Variants in AMZ2 observed in about 807,000 individuals in gnomAD.
AMZ2 encodes archaelysin family metallopeptidase 2, also known as archaemetzincin-2.
AMZ2 carries 26 observed loss-of-function variants against 36.7 expected under a neutral mutation model. The ratio of observed to expected loss-of-function variants is 0.71; its 90% CI spans 0.52 to 0.98. The LOEUF (loss-of-function observed/expected upper bound fraction) is 0.98. AMZ2 is among the 50% of genes least tolerant of loss of function. AMZ2 has a pLI of 0.00. For missense variants in AMZ2, 394 were observed against 430.5 expected, an observed-to-expected ratio of 0.92 and a Z score of 0.75; for synonymous variants, 144 against 149.1, an observed-to-expected ratio of 0.97 and a Z score of 0.25.
At chr17:68,249,549 T>G (rs1472066455) in intron 1 of AMZ2, 1 of 152,382 alleles carries the variant, frequency 6.6e-6, no homozygotes. Flanking sequence ...TCCTTCTGCC[T>G]TGGCCTCCCA....
At chr17:68,232,511 AAG>A (rs1253900965) in intron 1 of AMZ2, among the ~76,000 whole-genome samples, 1 of 151,602 alleles carries the variant, frequency 6.6e-6, no homozygotes, top group Non-Finnish European at 1.5e-5. Flanking sequence ...AAAAAAAAAA[AAG>A]AGATTGATCA....
intron 1 of AMZ2, chr17:68,249,211 A>G: frequency 1.8e-6 from 1 of 555,218 alleles, no homozygotes; most frequent in Non-Finnish European, 2.5e-6. Context: ...AATTGCAGAA[A>G]TGATAGGGCT....
rs1432951966 is a variant in AMZ2, at chr17:68,248,057, C to G, written c.-649C>G. 4.1e-6 allele frequency: 4 copies of G among 986,188 alleles called. No homozygotes were observed. The highest frequency in any genetic ancestry group is 4.8e-6 in the Non-Finnish European group (4 of 830,630). 61.1% of individuals were successfully genotyped at this position (986,188 alleles called of 1,614,324 possible). A position where few individuals can be genotyped will look rare whatever the true frequency, so the allele number is the denominator to read the frequency against. On this transcript the variant is annotated 5_prime_UTR_variant, in exon 1 of 7. Coordinates refer to ENST00000359904, the MANE Select transcript of AMZ2 (RefSeq NM_016627.5). ...TGGCGTGGCGCAGTGCGAAGGGACG[C>G]GGTGCGCATGCGCGTGAGGGCTGCC...
intron 1 of AMZ2, among the ~76,000 whole-genome samples, chr17:68,236,315 A>G (rs782666023): frequency 2.6e-5 from 4 of 152,078 alleles, no homozygotes; most frequent in Non-Finnish European, 5.9e-5. Flanking sequence ...AAATTTATAT[A>G]TAAAACTATA....
chr17:68,228,198 C>T (rs149413411), intron 1 of AMZ2, among the ~76,000 whole-genome samples: 193 of 152,222 alleles, frequency 1.3e-3, no homozygotes, highest in African/African-American at 4.3e-3. Flanking sequence ...CTCCACCATC[C>T]TCCTCAGAAC....
chr17:68,237,732 G>A (rs185319583), intron 1 of AMZ2, among the ~76,000 whole-genome samples: 22 of 152,184 alleles, frequency 1.4e-4, no homozygotes, highest in African/African-American at 5.3e-4. Flanking sequence ...GGGTCCCTAA[G>A]GGCAAGAAGG....
chr17:68,224,542 C>CTT (rs34837469), intron 1 of AMZ2, among the ~76,000 whole-genome samples: 16,946 of 137,024 alleles, frequency 0.12, 1,277 homozygotes, highest in East Asian at 0.28. Context: ...TTGGGGGTAG[C>CTT]TTTTTTTTTT....
Position 68,257,075 on chromosome 17 carries a change from A to G in AMZ2, c.*106A>G, listed in dbSNP as rs1367587895. The G allele has an allele frequency of 5.7e-6, 7 of 1,235,298 alleles. No homozygotes were observed. The East Asian group carries it at 1.2e-4, about 22-fold the overall frequency. 76.5% of individuals were successfully genotyped at this position (1,235,298 alleles called of 1,614,324 possible). A position where few individuals can be genotyped will look rare whatever the true frequency, so the allele number is the denominator to read the frequency against. ...AAACTACTGATCTTGTGCTGTGTCA[A>G]AGTAACAGACTAGAACCTTCTTTCA... is the stretch of plus-strand genomic sequence containing the variant. On this transcript the variant is annotated 3_prime_UTR_variant, in exon 7 of 7. Coordinates refer to ENST00000359904, the MANE Select transcript of AMZ2 (RefSeq NM_016627.5).
intron 1 of AMZ2, among the ~76,000 whole-genome samples, chr17:68,226,820 G>C (rs1555730021): frequency 2.0e-5 from 3 of 151,590 alleles, no homozygotes. Flanking sequence ...CTGTGTGCTG[G>C]GTGGGGAAAT....
intron 1 of AMZ2, among the ~76,000 whole-genome samples, chr17:68,242,428 T>C (rs12601802): frequency 0.13 from 19,054 of 152,166 alleles, 1,539 homozygotes; most frequent in East Asian, 0.3. Flanking sequence ...TCATAGATTA[T>C]TATTTATCAG....
chr17:68,248,098 C>G lies in AMZ2; in HGVS notation c.-608C>G, dbSNP rs1373970032. 4.1e-5 allele frequency: 40 copies of G among 986,306 alleles called. No homozygotes were observed. Among genetic ancestry groups the G allele is most frequent in the Non-Finnish European group, 4.8e-5 (40 of 830,560 alleles). The allele number at this position is 986,306 out of a possible 1,614,324, so 61.1% of individuals were successfully genotyped here. ...GAGGGCTGCCGCGGGTGGGTGGTAT[C>G]GAGGCCTGTCGGGTCAGGGCGGTTC... On this transcript the variant is annotated 5_prime_UTR_variant, in exon 1 of 7. It adds an upstream start codon to the 5' untranslated region. Transcript: ENST00000359904.
upstream of AMZ2, chr17:68,248,032 T>TGGCGTGGCGCAGTGCGAAGG: frequency 1.0e-6 from 1 of 986,500 alleles, no homozygotes; most frequent in South Asian, 4.7e-5. Flanking sequence ...CCAGTGGGCG[T>TGGCGTGGCGCAGTGCGAAGG]GGCGTGGCGC....
chr17:68,247,940 G>A, upstream of AMZ2: 1 of 984,676 alleles, frequency 1.0e-6, no homozygotes. Context: ...CAGGGGCGTG[G>A]CATGGGTGGG....
At chr17:68,252,965 A>G (rs1319910896) in intron 4 of AMZ2, among the ~76,000 whole-genome samples, 3 of 152,242 alleles carry the variant, frequency 2.0e-5, no homozygotes, top group Admixed American at 1.3e-4. Flanking sequence ...TAAATATTAC[A>G]TGACATAAAA....
At chr17:68,209,324 G>T (rs1555725155) in intron 1 of AMZ2, among the ~76,000 whole-genome samples, 1 of 151,794 alleles carries the variant, frequency 6.6e-6, no homozygotes. Flanking sequence ...CTCCCCAGCA[G>T]CTGGGATTAC....
intron 1 of AMZ2, chr17:68,207,313 A>ACACCCCC (rs1555724633): frequency 2.7e-5 from 3 of 110,654 alleles, no homozygotes; most frequent in African/African-American, 3.4e-5. Context: ...TTTGTTAAAT[A>ACACCCCC]CCCCCCCCCC....
At chr17:68,209,434 TC>T (rs1337098729) in intron 1 of AMZ2, among the ~76,000 whole-genome samples, 2 of 151,554 alleles carry the variant, frequency 1.3e-5, no homozygotes, top group Non-Finnish European at 3.0e-5. Context: ...CCTCAAGTGA[TC>T]CGCCTGCCTC....
In AMZ2 at chr17:68,249,065, G is replaced by C. The variant is rs1176471896; in HGVS notation, c.-1+360G>C. 21 of 1,186,946 alleles carry C rather than the reference G, an allele frequency of 1.8e-5. No homozygotes were observed. The East Asian group carries it at 6.6e-4, about 37-fold the overall frequency. 73.5% of individuals were successfully genotyped at this position (1,186,946 alleles called of 1,614,324 possible). A position where few individuals can be genotyped will look rare whatever the true frequency, so the allele number is the denominator to read the frequency against. Reference sequence around the variant, plus strand: ...GAGGAAGGATGAAAGCTCTATATAGGAACACGATGTGAATGGAAGAAACCT... The same window carrying C: ...GAGGAAGGATGAAAGCTCTATATAGCAACACGATGTGAATGGAAGAAACCT... On this transcript the variant is annotated intron_variant, in intron 1 of 6. Transcript: ENST00000359904.
intron 1 of AMZ2, among the ~76,000 whole-genome samples, chr17:68,229,095 C>T (rs1447566392): frequency 4.6e-5 from 7 of 152,184 alleles, no homozygotes; most frequent in Admixed American, 6.5e-5. Flanking sequence ...TTTTTGGCCT[C>T]TATCCCTCTC....
Sources: allele counts gnomAD v4.1 joint callset (sites outside exome capture counted in the v4.1 genomes callset), GRCh38; gene constraint gnomAD v4.1.1; transcripts MANE v1.5; gene names NCBI Gene and HGNC (gene_info 2026-07-23, HGNC 2026-07-21).